The following CDK14 variants were observed in gnomAD, a reference collection of about 807,000 sequenced individuals.
The protein encoded by CDK14 is cyclin dependent kinase 14, also known as cyclin-dependent kinase 14.
Under a neutral mutation model 60.7 loss-of-function variants are expected in CDK14, and 34 were observed. The observed-to-expected ratio is 0.56, with a 90% CI of 0.43 to 0.75. The LOEUF is 0.75. CDK14 is among the 30% of genes least tolerant of loss of function. CDK14 has a pLI of 0.00. For synonymous variants in CDK14, 197 were observed against 203.7 expected, an observed-to-expected ratio of 0.97 and a Z score of 0.28; for missense variants, 482 against 564.1, an observed-to-expected ratio of 0.85 and a Z score of 1.47.
chr7:90,624,972 A>T (rs576620304), intron 2 of CDK14, among the ~76,000 whole-genome samples: 1 of 152,158 alleles, frequency 6.6e-6, no homozygotes, highest in African/African-American at 2.4e-5. Context: ...GGATGCTAAT[A>T]ATACTTAGCT....
chr7:90,957,439 A>C (rs1794462754), intron 9 of CDK14, among the ~76,000 whole-genome samples: 1 of 152,134 alleles, frequency 6.6e-6, no homozygotes, highest in Non-Finnish European at 1.5e-5. Context: ...ACATGATTAT[A>C]TATCTAGAAA....
chr7:90,754,757 C>T (rs1338720085), intron 4 of CDK14, among the ~76,000 whole-genome samples: 3 of 152,078 alleles, frequency 2.0e-5, no homozygotes, highest in Non-Finnish European at 4.4e-5. Flanking sequence ...GGAACTTACA[C>T]AATTTAACGA....
At chr7:91,049,554 G>A (rs697404) in intron 11 of CDK14, among the ~76,000 whole-genome samples, 20,374 of 152,056 alleles carry the variant, frequency 0.13, 1,480 homozygotes, top group Middle Eastern at 0.17. Flanking sequence ...TCTGTTATAG[G>A]TGTATGTACA....
intron 5 of CDK14, among the ~76,000 whole-genome samples, chr7:90,829,190 A>G (rs1789825647): frequency 6.6e-6 from 1 of 152,054 alleles, no homozygotes; most frequent in Admixed American, 6.6e-5. Flanking sequence ...ACAATTTGAG[A>G]TGGGATTTGG....
At chr7:90,648,446 G>A (rs1800517929) in intron 2 of CDK14, among the ~76,000 whole-genome samples, 1 of 152,106 alleles carries the variant, frequency 6.6e-6, no homozygotes, top group African/African-American at 2.4e-5. Flanking sequence ...CCTATTGCAG[G>A]TGCAGTATCC....
chr7:90,831,011 A>T (rs116345496), intron 5 of CDK14, among the ~76,000 whole-genome samples: 1,523 of 152,274 alleles, frequency 0.01, 24 homozygotes, highest in African/African-American at 0.034. Flanking sequence ...TCTTTAGGAA[A>T]TTCCTAGCTT....
chr7:91,066,839 C>G (rs1396296410), intron 11 of CDK14, among the ~76,000 whole-genome samples: 1 of 152,208 alleles, frequency 6.6e-6, no homozygotes, highest in African/African-American at 2.4e-5. Flanking sequence ...TCGGCAAGCT[C>G]TCCTACCTGA....
chr7:91,003,661 C>T (rs539174177), intron 10 of CDK14, among the ~76,000 whole-genome samples: 1 of 152,228 alleles, frequency 6.6e-6, no homozygotes, highest in South Asian at 2.1e-4. Context: ...CCAGGAGCTT[C>T]TTCCTAAAGG....
chr7:90,645,792 A>G (rs1203159910), intron 2 of CDK14, among the ~76,000 whole-genome samples: 1 of 152,230 alleles, frequency 6.6e-6, no homozygotes, highest in African/African-American at 2.4e-5. Context: ...CATCTTTAAC[A>G]TATTGGCCAA....
chr7:90,758,875 G>A (rs1804196126), intron 4 of CDK14, among the ~76,000 whole-genome samples: 1 of 152,112 alleles, frequency 6.6e-6, no homozygotes, highest in Non-Finnish European at 1.5e-5. Context: ...GGCCAACATG[G>A]TGAAAGCCTG....
At chr7:90,735,717 C>G (rs1325460486) in intron 3 of CDK14, among the ~76,000 whole-genome samples, 3 of 152,256 alleles carry the variant, frequency 2.0e-5, no homozygotes, top group Non-Finnish European at 4.4e-5. Context: ...CACTGCTACG[C>G]TGGCAGCGAG....
chr7:91,074,836 A>G (rs1407631105), intron 11 of CDK14, among the ~76,000 whole-genome samples: 1 of 152,192 alleles, frequency 6.6e-6, no homozygotes, highest in East Asian at 1.9e-4. Context: ...GAGAAGTACA[A>G]ACTACCATCA....
chr7:90,982,579 A>T (rs1795259067), intron 9 of CDK14, among the ~76,000 whole-genome samples: 1 of 152,236 alleles, frequency 6.6e-6, no homozygotes, highest in South Asian at 2.1e-4. Context: ...ATGTCTAGAG[A>T]CTACAATACT....
At chr7:90,737,041 T>G (rs1803146249) in intron 3 of CDK14, among the ~76,000 whole-genome samples, 1 of 152,186 alleles carries the variant, frequency 6.6e-6, no homozygotes. Context: ...GTTTTTAAAT[T>G]TGTTTCAGAT....
intron 7 of CDK14, among the ~76,000 whole-genome samples, chr7:90,915,149 G>C (rs567304549): frequency 6.6e-6 from 1 of 152,052 alleles, no homozygotes; most frequent in East Asian, 1.9e-4. Flanking sequence ...TTTTCTGGCC[G>C]AGTAGAGGCA....
Position 91,118,141 on chromosome 7 carries a change from C to T in CDK14, c.1371C>T (p.Asn457=), listed in dbSNP as rs957033108. The change falls in exon 14 of 15, where the codon AAC becomes AAT. Residue 457 remains asparagine, a synonymous_variant. Transcript: ENST00000380050. ...AAAGCATGCGGGCCTTTGGGAAAAA[C>T]AATAGTTATGGCAAAAGTCTATCAA... ...AGESMRAFGK[N]NSYGKSLSNS... 2.5e-6 allele frequency: 4 copies of T among 1,613,424 alleles called. No individual in the cohort carries two copies. The highest frequency in any genetic ancestry group is 3.4e-6 in the Non-Finnish European group (4 of 1,179,544).
At chr7:90,963,686 TTTTTTTC>T (rs1368007705) in intron 9 of CDK14, among the ~76,000 whole-genome samples, 1 of 150,802 alleles carries the variant, frequency 6.6e-6, no homozygotes, top group African/African-American at 2.4e-5. Flanking sequence ...AAAGGTTTTT[TTTTTTTC>T]TTTTTTCTTT....
Position 91,174,904 on chromosome 7 carries a change from C to A in CDK14, c.*29-32261C>A, listed in dbSNP as rs528636356. Among the ~76,000 whole-genome samples the A allele has an allele frequency of 2.1e-5, 3 of 139,754 alleles. No homozygotes were observed. The East Asian group carries it at 6.1e-4, about 28-fold the overall frequency. The allele number at this position is 139,754 out of a possible 152,430, so 91.7% of individuals were successfully genotyped here. A position where few individuals can be genotyped will look rare whatever the true frequency, so the allele number is the denominator to read the frequency against. On this transcript the variant is annotated intron_variant, in intron 14 of 14. Transcript: ENST00000380050. Reference sequence around the variant, plus strand: ...CTCTGCAGGATATTATCCAGGAGAACTTCCCCAATCTAGCAAGGAAGGCCA... The same window carrying A: ...CTCTGCAGGATATTATCCAGGAGAAATTCCCCAATCTAGCAAGGAAGGCCA...
At chr7:90,820,574 G>T (rs1013546991) in intron 5 of CDK14, among the ~76,000 whole-genome samples, 1 of 152,112 alleles carries the variant, frequency 6.6e-6, no homozygotes, top group African/African-American at 2.4e-5. Context: ...TAAGTTTCCT[G>T]AGGCCTCCCC....
Sources: allele counts gnomAD v4.1 joint callset (sites outside exome capture counted in the v4.1 genomes callset), GRCh38; gene constraint gnomAD v4.1.1; transcripts MANE v1.5; gene names NCBI Gene and HGNC (gene_info 2026-07-23, HGNC 2026-07-21).